Variants in COL21A1 observed in about 807,000 individuals in gnomAD.
COL21A1 encodes collagen alpha-1(XXI) chain.
Under a neutral mutation model 137.9 loss-of-function variants are expected in COL21A1, and 149 were observed. The ratio of observed to expected loss-of-function variants is 1.08; its 90% CI spans 0.95 to 1.24. The LOEUF (loss-of-function observed/expected upper bound fraction) is 1.24, where lower values mean the gene tolerates loss of function less well. Ranked by LOEUF, COL21A1 falls within the 50% of genes most tolerant of loss-of-function variation. The probability of loss-of-function intolerance (pLI) is 0.00; values close to 1 mark genes in which losing one functional copy is unlikely to be tolerated. For synonymous variants in COL21A1, 456 were observed against 391.5 expected (o/e 1.16, Z -1.95); for missense variants, 1,167 against 1,158.4 (o/e 1.01, Z -0.11).
At chr6:56,335,017 G>A (rs1765306230) in intron 1 of COL21A1, among the ~76,000 whole-genome samples, 1 of 152,070 alleles carries the variant, frequency 6.6e-6, no homozygotes, top group Admixed American at 6.6e-5. Flanking sequence ...CCAGTCTCTG[G>A]TATTGTTATA....
chr6:56,260,511 T>C (rs1474721278), intron 1 of COL21A1, among the ~76,000 whole-genome samples: 2 of 146,238 alleles, frequency 1.4e-5, no homozygotes, highest in Non-Finnish European at 3.0e-5. Flanking sequence ...GAGGTGGAGG[T>C]TGCAGTGAAC....
At chr6:56,256,206 A>C (rs1782968143) in intron 1 of COL21A1, among the ~76,000 whole-genome samples, 1 of 152,234 alleles carries the variant, frequency 6.6e-6, no homozygotes. Flanking sequence ...GTCTCATAAC[A>C]CTTCTCAGCT....
chr6:56,223,991 G>A (rs1376129129), intron 1 of COL21A1, among the ~76,000 whole-genome samples: 2 of 151,984 alleles, frequency 1.3e-5, no homozygotes, highest in Admixed American at 1.3e-4. Context: ...CTCTCTCCTG[G>A]GATAAGGGCA....
rs559603512 is a variant in COL21A1, at chr6:56,299,405, G to A, written c.-39+94566C>T. On this transcript the variant is annotated intron_variant, in intron 1 of 28. Coordinates refer to the COL21A1 transcript ENST00000370819. Reference sequence around the variant, plus strand: ...GCATTGTGATTCAGGTCCATTGCATGGACAAATTAGCTGTGGTTCTTGGTA... The same window carrying A: ...GCATTGTGATTCAGGTCCATTGCATAGACAAATTAGCTGTGGTTCTTGGTA... Among the ~76,000 whole-genome samples the A allele has an allele frequency of 2.0e-5, 3 of 152,166 alleles. No individual in the cohort carries two copies. The South Asian group carries it at 6.2e-4, about 32-fold the overall frequency.
chr6:56,125,982 TTATCTC>T (rs2152214176), intron 13 of COL21A1, 108 bp downstream of exon 13: 1 of 615,826 alleles, frequency 1.6e-6, no homozygotes, highest in African/African-American at 1.9e-5. Flanking sequence ...ATTGTTTACT[TTATCTC>T]TAATTATATA....
chr6:56,125,769 C>T (rs1582425198), intron 13 of COL21A1, 149 bp from the exon 14 acceptor site: 1 of 569,858 alleles, frequency 1.8e-6, no homozygotes, highest in Admixed American at 3.6e-5. Context: ...TTTAAAAGGC[C>T]CTCATTTCCA....
At chr6:56,282,049 T>C (rs552142296) in intron 1 of COL21A1, among the ~76,000 whole-genome samples, 1 of 152,316 alleles carries the variant, frequency 6.6e-6, no homozygotes, top group East Asian at 1.9e-4. Context: ...AAGTTTTCAT[T>C]CGAAATATTT....
chr6:56,231,371 A>G (rs1781544086), intron 1 of COL21A1, among the ~76,000 whole-genome samples: 1 of 151,906 alleles, frequency 6.6e-6, no homozygotes, highest in South Asian at 2.1e-4. Flanking sequence ...TTTAAAAGTG[A>G]TGAGTCACAA....
intron 21 of COL21A1, 142 bp downstream of exon 21, chr6:56,070,603 T>G (rs1766657045): frequency 1.8e-6 from 1 of 542,002 alleles, no homozygotes; most frequent in Non-Finnish European, 3.2e-6. Context: ...ACAATTTCAT[T>G]TCAGGTACCT....
At chr6:56,177,074 T>C (rs1482539823) in intron 3 of COL21A1, among the ~76,000 whole-genome samples, 1 of 151,238 alleles carries the variant, frequency 6.6e-6, no homozygotes, top group Admixed American at 6.6e-5. Flanking sequence ...GAAAAAGAAG[T>C]AGTAGTAGAA....
intron 6 of COL21A1, 128 bp downstream of exon 6, chr6:56,167,996 C>T (rs1776722571): frequency 1.7e-6 from 1 of 585,976 alleles, no homozygotes; most frequent in East Asian, 3.0e-5. Context: ...GAACTGACCA[C>T]ATTTTGGTGA....
At chr6:56,059,037 G>T in intron 29 of COL21A1, 128 bp downstream of exon 29, 1 of 695,104 alleles carries the variant, frequency 1.4e-6, no homozygotes, top group South Asian at 1.7e-5. Flanking sequence ...AGACTTCAGT[G>T]TGTTAAATGT....
intron 12 of COL21A1, among the ~76,000 whole-genome samples, chr6:56,140,341 A>G (rs1774321058): frequency 6.6e-6 from 1 of 152,280 alleles, no homozygotes; most frequent in African/African-American, 2.4e-5. Context: ...TGTATATTCT[A>G]TTGTGTGATA....
chr6:56,101,592 A>T (rs1770462236), intron 16 of COL21A1, 67 bp from the exon 17 acceptor site: 2 of 1,076,960 alleles, frequency 1.9e-6, no homozygotes, highest in Admixed American at 2.2e-5. Flanking sequence ...AAATAACAAT[A>T]TATAACATTA....
intron 1 of COL21A1, among the ~76,000 whole-genome samples, chr6:56,220,077 A>C (rs919819848): frequency 2.0e-5 from 3 of 152,142 alleles, no homozygotes; most frequent in African/African-American, 7.2e-5. Flanking sequence ...ATTGAAGCTC[A>C]ATCAATATTG....
chr6:56,341,472 T>TCAGAAGAC (rs1765467504), intron 1 of COL21A1, among the ~76,000 whole-genome samples: 1 of 152,082 alleles, frequency 6.6e-6, no homozygotes, highest in Non-Finnish European at 1.5e-5. Flanking sequence ...AAGAAGCCAG[T>TCAGAAGAC]CAGAAGACCA....
chr6:56,119,643 C>T (rs1404210864), intron 16 of COL21A1, among the ~76,000 whole-genome samples: 1 of 152,046 alleles, frequency 6.6e-6, no homozygotes, highest in African/African-American at 2.4e-5. Context: ...AATTACATTA[C>T]CCGACATCAA....
chr6:56,259,448 A>G (rs1763194549), intron 1 of COL21A1, among the ~76,000 whole-genome samples: 1 of 152,222 alleles, frequency 6.6e-6, no homozygotes, highest in Admixed American at 6.5e-5. Context: ...TTAAATTTGA[A>G]TTAAAATCAC....
intron 12 of COL21A1, 67 bp downstream of exon 12, chr6:56,141,715 AACC>A: frequency 6.6e-7 from 1 of 1,506,946 alleles, no homozygotes; most frequent in Non-Finnish European, 9.2e-7. Flanking sequence ...ATTGAATGGA[AACC>A]ATCACAGCTA....
Sources: allele counts gnomAD v4.1 joint callset (sites outside exome capture counted in the v4.1 genomes callset), GRCh38; gene constraint gnomAD v4.1.1; transcripts MANE v1.5; gene names NCBI Gene and HGNC (gene_info 2026-07-23, HGNC 2026-07-21).